The following C11orf52 variants were observed in gnomAD, a reference collection of about 807,000 sequenced individuals.
The protein encoded by C11orf52 is chromosome 11 open reading frame 52.
A neutral mutation model predicts 11.7 loss-of-function variants in C11orf52; 9 were observed. That is an observed-to-expected ratio of 0.77 (90% CI 0.46 to 1.34). The LOEUF (loss-of-function observed/expected upper bound fraction) is 1.34, where lower values mean the gene tolerates loss of function less well. Ranked by LOEUF, C11orf52 falls within the 40% of genes most tolerant of loss-of-function variation. C11orf52 has a pLI of 0.00. For synonymous variants in C11orf52, 49 were observed against 57.4 expected, an observed-to-expected ratio of 0.85 and a Z score of 0.66; for missense variants, 139 against 154.8, an observed-to-expected ratio of 0.90 and a Z score of 0.54.
intron 1 of C11orf52, 59 bp from the exon 2 acceptor site, chr11:111,924,267 T>G: frequency 1.3e-6 from 2 of 1,518,698 alleles, no homozygotes; most frequent in Non-Finnish European, 1.8e-6. Flanking sequence ...CAAATGATGA[T>G]GGAGGGAAGG....
chr11:111,924,049 G>C (rs587645559), intron 1 of C11orf52, among the ~76,000 whole-genome samples: 4 of 152,228 alleles, frequency 2.6e-5, no homozygotes, highest in Non-Finnish European at 4.4e-5. Flanking sequence ...TCTCAAGCCA[G>C]ATACATCCCT....
Position 111,926,188 on chromosome 11 carries a change from A to G in C11orf52, c.361A>G (p.Thr121Ala), listed in dbSNP as rs370615884. The change falls in exon 4 of 4, where the codon ACC becomes GCC. Residue 121 changes from threonine to alanine, a missense_variant. Transcript: ENST00000278601. ...ATPRYDSKNG[T>A]LV ...ACCTCGCTATGACAGCAAGAACGGG[A>G]CCCTGGTGTGAGCGCTTGGGAGGAA... 1.2e-6 allele frequency: 2 copies of G among 1,613,904 alleles called. No individual in the cohort carries two copies. The highest frequency in any genetic ancestry group is 2.2e-5 in the South Asian group (2 of 91,076).
At chr11:111,919,308 A>C (rs993122157) in intron 1 of C11orf52, 2 of 315,286 alleles carry the variant, frequency 6.3e-6, no homozygotes, top group Admixed American at 4.1e-5. Context: ...CCCCGTCTCT[A>C]CTGAAAATAC....
intron 2 of C11orf52, among the ~76,000 whole-genome samples, chr11:111,925,394 A>G (rs1165256078): frequency 7.4e-6 from 1 of 136,046 alleles, no homozygotes; most frequent in Non-Finnish European, 1.5e-5. Flanking sequence ...CTGGCACACA[A>G]TGGGTTCTCT....
chr11:111,924,392 G>A, intron 2 of C11orf52, 29 bp downstream of exon 2: 1 of 1,593,940 alleles, frequency 6.3e-7, no homozygotes. Context: ...GAGGGAATCT[G>A]GGGGAGGCAA....
chr11:111,920,154 C>T (rs1361493775), intron 1 of C11orf52, among the ~76,000 whole-genome samples: 1 of 151,930 alleles, frequency 6.6e-6, no homozygotes, highest in African/African-American at 2.4e-5. Context: ...GAGATTGCAC[C>T]ACTGCACTCC....
In C11orf52 at chr11:111,919,014, C is replaced by A. The variant is rs1555166301; in HGVS notation, c.32+10C>A. The stretch of plus-strand genomic sequence containing the variant: ...GCTGCGGAGGAAGCTGGTGAGTAGG[C>A]TGGAAGGGCAAAGGGGAACATCTAT... On this transcript the variant is annotated intron_variant, in intron 1 of 3. Coordinates refer to ENST00000278601, the MANE Select transcript of C11orf52 (RefSeq NM_080659.3). The A allele has an allele frequency of 1.2e-6, 2 of 1,614,132 alleles. No individual in the cohort carries two copies. Among genetic ancestry groups the A allele is most frequent in the South Asian group, 2.2e-5 (2 of 91,078 alleles).
Position 111,924,481 on chromosome 11 carries a change from C to T in C11orf52, c.70+118C>T, listed in dbSNP as rs587667196. ...GGAATGAAAGGATAAAGGGAGACAG[C>T]ACACCAAAGAGAATCCAGGTTGCTG... On this transcript the variant is annotated intron_variant, in intron 2 of 3. Transcript: ENST00000278601. 5.3e-5 allele frequency: 45 copies of T among 848,068 alleles called. 2 individuals are homozygous for T. The South Asian group carries it at 7.5e-4, about 14-fold the overall frequency. The allele number at this position is 848,068 out of a possible 1,614,324, so 52.5% of individuals were successfully genotyped here.
intron 1 of C11orf52, among the ~76,000 whole-genome samples, chr11:111,921,523 A>G (rs1965698742): frequency 6.6e-6 from 1 of 152,218 alleles, no homozygotes; most frequent in Admixed American, 6.5e-5. Context: ...GAACAAAAAT[A>G]TGTGTTTCCT....
At chr11:111,922,616 T>C (rs1450553278) in intron 1 of C11orf52, among the ~76,000 whole-genome samples, 2 of 152,226 alleles carry the variant, frequency 1.3e-5, no homozygotes, top group African/African-American at 4.8e-5. Flanking sequence ...TTTTCCATGA[T>C]GTTCGGTGTT....
chr11:111,925,687 A>G lies in C11orf52; in HGVS notation c.105A>G (p.Pro35=). ...SQTRRTLKPQ[P]QQLQQNLPKG... is the part of the protein sequence containing the mutation. ...CAAGACGGACACTGAAGCCGCAGCC[A>G]CAACAGCTGCAGCAGAATCTCCCAA... The change falls in exon 3 of 4, where the codon CCA becomes CCG. Residue 35 remains proline, a synonymous_variant. Transcript: ENST00000278601. 6.2e-7 allele frequency: 1 copy of G among 1,614,228 alleles called. No homozygotes were observed. Among genetic ancestry groups the G allele is most frequent in the Non-Finnish European group, 8.5e-7 (1 of 1,180,032 alleles).
At chr11:111,919,594 CT>C (rs1160279356) in intron 1 of C11orf52, among the ~76,000 whole-genome samples, 2 of 152,154 alleles carry the variant, frequency 1.3e-5, no homozygotes, top group East Asian at 1.9e-4. Flanking sequence ...CCTTCTTTCC[CT>C]TTCTTCCTGG....
chr11:111,924,638 T>G (rs1300652703), intron 2 of C11orf52, among the ~76,000 whole-genome samples: 3 of 152,172 alleles, frequency 2.0e-5, no homozygotes, highest in African/African-American at 7.2e-5. Flanking sequence ...AGGACCTGTG[T>G]GGGTCCCAAG....
chr11:111,921,194 A>G (rs1965692775), intron 1 of C11orf52, among the ~76,000 whole-genome samples: 2 of 152,238 alleles, frequency 1.3e-5, no homozygotes, highest in South Asian at 2.1e-4. Flanking sequence ...GGAGTAGTAC[A>G]TTGGATTCAA....
At chr11:111,924,300 T>C (rs1282392969) in intron 1 of C11orf52, 26 bp from the exon 2 acceptor site, 47 of 1,611,556 alleles carry the variant, frequency 2.9e-5, no homozygotes, top group Non-Finnish European at 3.5e-5. Context: ...CTCTTGCACA[T>C]GGGTGATCTG....
At chr11:111,925,151 A>G (rs1394498709) in intron 2 of C11orf52, among the ~76,000 whole-genome samples, 1 of 152,074 alleles carries the variant, frequency 6.6e-6, no homozygotes, top group Non-Finnish European at 1.5e-5. Context: ...AAAGTTCACA[A>G]GTCAGCAGAG....
chr11:111,922,803 G>A lies in C11orf52; in HGVS notation c.33-1523G>A, dbSNP rs946574578. Among the ~76,000 whole-genome samples, 13 of 152,292 alleles carry A rather than the reference G, an allele frequency of 8.5e-5. No individual in the cohort carries two copies. In the East Asian group the frequency reaches 2.5e-3, roughly 29 times the overall value. On this transcript the variant is annotated intron_variant, in intron 1 of 3. Coordinates refer to ENST00000278601, the MANE Select transcript of C11orf52 (RefSeq NM_080659.3). ...TAATTATTTCTTAGGATATGGAATT[G>A]CTACATCAGAGGGTATACACATTTA...
At chr11:111,925,908 GA>G in intron 3 of C11orf52, 51 bp from the exon 4 acceptor site, 5 of 1,608,770 alleles carry the variant, frequency 3.1e-6, no homozygotes, top group Non-Finnish European at 4.3e-6. Flanking sequence ...CATTGGAGGT[GA>G]GGGGCAAAAC....
At chr11:111,919,995 A>C (rs1555166382) in intron 1 of C11orf52, among the ~76,000 whole-genome samples, 3 of 152,044 alleles carry the variant, frequency 2.0e-5, no homozygotes, top group African/African-American at 7.2e-5. Flanking sequence ...GGAGATCGAG[A>C]CCATCCTGGC....
Sources: gnomAD v4.1 joint callset for allele counts (sites outside exome capture counted in the v4.1 genomes callset) on GRCh38, gnomAD v4.1.1 for gene constraint, MANE v1.5 for transcripts, NCBI Gene and HGNC (gene_info 2026-07-23, HGNC 2026-07-21) for gene names.